Variants in LCT observed in about 807,000 individuals in gnomAD.
LCT encodes lactase.
LCT carries 90 observed loss-of-function variants against 173.0 expected under a neutral mutation model. The ratio of observed to expected loss-of-function variants is 0.52; its 90% CI spans 0.44 to 0.62. LCT has a LOEUF of 0.62. LCT is among the 20% of genes least tolerant of loss of function. The probability of loss-of-function intolerance (pLI) is 0.00; values close to 1 mark genes in which losing one functional copy is unlikely to be tolerated. For synonymous variants in LCT, 853 were observed against 957.6 expected (o/e 0.89, Z 2.02); for missense variants, 1,864 against 2,431.4 (o/e 0.77, Z 4.91).
chr2:135,818,465 C>T (rs1340165846), intron 5 of LCT, among the ~76,000 whole-genome samples: 1 of 152,238 alleles, frequency 6.6e-6, no homozygotes, highest in African/African-American at 2.4e-5. Flanking sequence ...TGTGTATTAT[C>T]TCATTTAATT....
At chr2:135,795,049 A>G (rs954185319) in intron 13 of LCT, among the ~76,000 whole-genome samples, 55 of 151,176 alleles carry the variant, frequency 3.6e-4, no homozygotes, top group Non-Finnish European at 5.3e-4. Context: ...GCGCGCGCAC[A>G]CACACACACA....
Position 135,829,582 on chromosome 2 carries a change from G to T in LCT, c.804+11C>A, listed in dbSNP as rs764324864. 2 of 1,601,518 alleles carry T rather than the reference G, an allele frequency of 1.2e-6. No individual in the cohort carries two copies. The highest frequency in any genetic ancestry group is 4.5e-5 in the East Asian group (2 of 44,818). ...GCATTCATCATTAATGTGGAAAAGG[G>T]CTCAAATTACCTGCAATTTACTCAG... On this transcript the variant is annotated intron_variant, in intron 3 of 16. Transcript: ENST00000264162.
Position 135,836,985 on chromosome 2 carries a change from T to C in LCT, c.185A>G (p.Tyr62Cys). 2 of 1,613,848 alleles carry C rather than the reference T, an allele frequency of 1.2e-6. No homozygotes were observed. Among genetic ancestry groups the C allele is most frequent in the Non-Finnish European group, 1.7e-6 (2 of 1,179,784 alleles). The change falls in exon 1 of 17, where the codon TAT becomes TGT. Residue 62 changes from tyrosine to cysteine, a missense_variant. Coordinates refer to ENST00000264162, the MANE Select transcript of LCT (RefSeq NM_002299.4). ...SNFVAGDKDM[Y>C]VCHQPLPTFL... Reference sequence around the variant, plus strand: ...AGTGGGCAGTGGCTGGTGACAAACATACATGTCTTTGTCCCCTGCTACAAA... The same window carrying C: ...AGTGGGCAGTGGCTGGTGACAAACACACATGTCTTTGTCCCCTGCTACAAA...
At chr2:135,833,273 T>C in intron 1 of LCT, 83 bp from the exon 2 acceptor site, 3 of 932,526 alleles carry the variant, frequency 3.2e-6, no homozygotes, top group South Asian at 2.6e-5. Context: ...ATTCATTTCC[T>C]ATGGACCTGA....
chr2:135,798,868 G>A (rs951026223), intron 12 of LCT, among the ~76,000 whole-genome samples: 1 of 152,090 alleles, frequency 6.6e-6, no homozygotes, highest in Non-Finnish European at 1.5e-5. Flanking sequence ...TGGTAAAGAG[G>A]CTTAAATGCA....
chr2:135,788,609 A>G, intron 16 of LCT, 65 bp from the exon 17 acceptor site: 1 of 1,047,036 alleles, frequency 9.6e-7, no homozygotes, highest in South Asian at 1.2e-5. Context: ...GATCTCTGAG[A>G]CCCCAGCAGA....
At position 135,808,543 on chromosome 2, in the gene LCT, G is replaced by T. The variant is rs748206266; in HGVS notation, c.3804C>A (p.Pro1268=). Residue 1268 remains proline (P), a synonymous_variant, in exon 8 of 17, where the codon CCC becomes CCA. Coordinates refer to ENST00000264162, the MANE Select transcript of LCT (RefSeq NM_002299.4). ...NWIKEEYGDI[P]IYITENGVGL... ...CCACTCCGTTTTCGGTGATGTAAAT[G>T]GGGATGTCACCATACTCTTCCTTGA... 3 of 1,614,090 alleles carry T rather than the reference G, an allele frequency of 1.9e-6. No individual in the cohort carries two copies. In the Admixed American group the frequency reaches 5.0e-5, roughly 27 times the overall value.
intron 6 of LCT, among the ~76,000 whole-genome samples, chr2:135,814,720 T>A (rs560459406): frequency 6.6e-6 from 1 of 152,198 alleles, no homozygotes; most frequent in Admixed American, 6.5e-5. Context: ...TTTCACTATG[T>A]TGGCCAGGCT....
At chr2:135,830,760 C>T (rs1295686837) in intron 2 of LCT, among the ~76,000 whole-genome samples, 1 of 152,198 alleles carries the variant, frequency 6.6e-6, no homozygotes, top group Non-Finnish European at 1.5e-5. Context: ...TCCAGCATTC[C>T]CTGCCCACTC....
rs2077709266 is a variant in LCT, at chr2:135,809,113, T to A, written c.3234A>T (p.Glu1078Asp). The change falls in exon 8 of 17, where the codon GAA (glutamate) becomes GAT (aspartate). Residue 1078 changes from glutamate to aspartate, a missense_variant. Glu to Asp is a conservative substitution (Grantham distance 45). Coordinates refer to ENST00000264162, the MANE Select transcript of LCT (RefSeq NM_002299.4). The surrounding 1 kb of genome is among the most constrained non-coding windows in gnomAD (Gnocchi z 5.5). Reference protein sequence around the residue: ...YLAWLGYGSGEFPPGVKDPGW... With the variant: ...YLAWLGYGSGDFPPGVKDPGW... ...CTGGGTCCTTCACCCCTGGGGGAAA[T>A]TCCCCTGAGCCATAACCTAGCCATG... is the stretch of plus-strand genomic sequence containing the variant. The A allele has an allele frequency of 1.2e-6, 2 of 1,614,124 alleles. No individual in the cohort carries two copies. Among genetic ancestry groups the A allele is most frequent in the Non-Finnish European group, 8.5e-7 (1 of 1,180,032 alleles).
rs747165802 is a variant in LCT, at chr2:135,812,825, C to G, written c.1839G>C (p.Arg613Ser). ...GCTCAGAGGCTCTCAGGTCCTCAGGCCTCTCTGGAGACAGGGGTTCTGCCC... is the reference window on the plus strand; with the variant it reads ...GCTCAGAGGCTCTCAGGTCCTCAGGGCTCTCTGGAGACAGGGGTTCTGCCC... Reference protein sequence around the residue: ...SDWAEPLSPERPEDLRASERF... With the variant: ...SDWAEPLSPESPEDLRASERF... The change falls in exon 7 of 17, where the codon AGG becomes AGC. Residue 613 changes from arginine to serine, a missense_variant. Transcript: ENST00000264162. 3.7e-6 allele frequency: 6 copies of G among 1,614,210 alleles called. No homozygotes were observed. In the South Asian group the frequency reaches 6.6e-5, roughly 18 times the overall value.
chr2:135,811,879 T>G (rs1013806030), intron 7 of LCT, among the ~76,000 whole-genome samples: 1 of 151,228 alleles, frequency 6.6e-6, no homozygotes, highest in Non-Finnish European at 1.5e-5. Context: ...CCCAGGAGTT[T>G]GAGACCAGCC....
chr2:135,810,143 C>T (rs369513478), intron 7 of LCT, 150 bp from the exon 8 acceptor site: 1 of 631,052 alleles, frequency 1.6e-6, no homozygotes, highest in Non-Finnish European at 2.8e-6. Context: ...TGAGCTAGTG[C>T]ACCATTATTT....
chr2:135,801,170 A>C (rs2077624478), intron 11 of LCT, among the ~76,000 whole-genome samples: 1 of 152,156 alleles, frequency 6.6e-6, no homozygotes, highest in Non-Finnish European at 1.5e-5. Flanking sequence ...CGTACGTCTC[A>C]GGCAAAATAC....
At chr2:135,799,825 T>A (rs1473957789) in intron 12 of LCT, among the ~76,000 whole-genome samples, 1 of 152,232 alleles carries the variant, frequency 6.6e-6, no homozygotes, top group Non-Finnish European at 1.5e-5. Context: ...CTCATTGAGT[T>A]GGCAAATTAG....
At chr2:135,818,132 A>T in intron 5 of LCT, 71 bp from the exon 6 acceptor site, 1 of 1,560,746 alleles carries the variant, frequency 6.4e-7, no homozygotes, top group Non-Finnish European at 8.8e-7. Flanking sequence ...CCCCCTACGG[A>T]TGACTACTGT....
At chr2:135,827,168 G>A (rs1257664062) in intron 3 of LCT, among the ~76,000 whole-genome samples, 5 of 152,048 alleles carry the variant, frequency 3.3e-5, no homozygotes, top group South Asian at 2.1e-4. Flanking sequence ...TAGTAGAGAC[G>A]GGGTTTCGCC....
At chr2:135,798,973 C>T (rs2077604516) in intron 12 of LCT, among the ~76,000 whole-genome samples, 1 of 152,130 alleles carries the variant, frequency 6.6e-6, no homozygotes, top group Non-Finnish European at 1.5e-5. Flanking sequence ...TCACAGTTCA[C>T]CAGTAAGTGG....
At chr2:135,794,361 AAAAG>A (rs2077560529) in intron 14 of LCT, 1 of 388,442 alleles carries the variant, frequency 2.6e-6, no homozygotes, top group African/African-American at 2.0e-5. Context: ...CAGCCTGTGA[AAAAG>A]AACGCAAAAT....
Sources: allele counts gnomAD v4.1 joint callset (sites outside exome capture counted in the v4.1 genomes callset), GRCh38; gene constraint gnomAD v4.1.1; non-coding constraint Gnocchi (gnomAD v3.1); transcripts MANE v1.5; gene names NCBI Gene and HGNC (gene_info 2026-07-23, HGNC 2026-07-21).